Variants in PSD3 observed in about 807,000 individuals in gnomAD.
The protein encoded by PSD3 is PH and SEC7 domain-containing protein 3.
In PSD3, 49 loss-of-function variants were observed where a neutral mutation model predicts 105.5. The ratio of observed to expected loss-of-function variants is 0.46; its 90% CI spans 0.37 to 0.59. The LOEUF is 0.59. Ranked by LOEUF, PSD3 falls within the 20% of genes least tolerant of loss-of-function variation. PSD3 has a pLI of 0.00. For synonymous variants in PSD3, 557 were observed against 457.8 expected (o/e 1.22, Z -2.77); for missense variants, 1,561 against 1,263.8 (o/e 1.24, Z -3.57).
intron 11 of PSD3, among the ~76,000 whole-genome samples, chr8:18,626,342 C>CCT (rs1806475924): frequency 6.6e-6 from 1 of 151,820 alleles, no homozygotes; most frequent in Non-Finnish European, 1.5e-5. Flanking sequence ...TTCCATGCAG[C>CCT]TTTGATTCAA....
chr8:18,950,834 C>T (rs533136467), intron 1 of PSD3, among the ~76,000 whole-genome samples: 18 of 152,218 alleles, frequency 1.2e-4, no homozygotes, highest in Middle Eastern at 3.4e-3. Flanking sequence ...ATCGGCCTCA[C>T]CCACACACGC....
At chr8:18,646,874 C>A (rs912892187) in intron 10 of PSD3, among the ~76,000 whole-genome samples, 1 of 152,078 alleles carries the variant, frequency 6.6e-6, no homozygotes, top group African/African-American at 2.4e-5. Flanking sequence ...CTTCTTTACT[C>A]GGAAAAAGAG....
intron 1 of PSD3, among the ~76,000 whole-genome samples, chr8:19,033,536 G>C (rs1827841349): frequency 6.6e-6 from 1 of 150,604 alleles, no homozygotes; most frequent in Non-Finnish European, 1.5e-5. Context: ...TCTGCTTTGA[G>C]CTCTTTTTTT....
chr8:18,658,131 T>G (rs987832967), intron 9 of PSD3, among the ~76,000 whole-genome samples: 1 of 152,240 alleles, frequency 6.6e-6, no homozygotes, highest in African/African-American at 2.4e-5. Context: ...TCTCACTGTG[T>G]AAACAACATA....
chr8:18,745,382 C>T (rs561337074), intron 9 of PSD3, among the ~76,000 whole-genome samples: 177 of 152,286 alleles, frequency 1.2e-3, no homozygotes, highest in Middle Eastern at 3.4e-3. Flanking sequence ...ATGTATTCAA[C>T]GGATATTCAT....
chr8:18,958,492 G>C (rs1331311025), intron 1 of PSD3, among the ~76,000 whole-genome samples: 1 of 152,068 alleles, frequency 6.6e-6, no homozygotes, highest in South Asian at 2.1e-4. Flanking sequence ...GAGCACTCAA[G>C]GAATTACAGA....
intron 2 of PSD3, among the ~76,000 whole-genome samples, chr8:18,902,655 C>A (rs1311291919): frequency 2.0e-5 from 3 of 152,148 alleles, no homozygotes; most frequent in Non-Finnish European, 4.4e-5. Context: ...ACTAGACTGG[C>A]TTTTGTACAG....
chr8:18,867,955 G>A lies in PSD3; in HGVS notation c.1353C>T (p.Asn451=), dbSNP rs1274491121. The change falls in exon 4 of 16, where the codon AAC becomes AAT. Residue 451 remains asparagine, a synonymous_variant. Coordinates refer to ENST00000327040, the MANE Select transcript of PSD3 (RefSeq NM_015310.4). ...YSSQFETILD[N]TSLYYSAESL... is the part of the protein sequence containing the mutation. ...ACTCTGCACTGTAGTATAAAGAAGTGTTGTCCAAAATGGTTTCAAACTGGG... is the reference window on the plus strand; with the variant it reads ...ACTCTGCACTGTAGTATAAAGAAGTATTGTCCAAAATGGTTTCAAACTGGG... The A allele has an allele frequency of 1.9e-6, 3 of 1,614,220 alleles. No homozygotes were observed. The highest frequency in any genetic ancestry group is 2.5e-6 in the Non-Finnish European group (3 of 1,180,034).
chr8:18,585,633 T>C (rs188767069), intron 12 of PSD3, among the ~76,000 whole-genome samples: 37 of 152,278 alleles, frequency 2.4e-4, no homozygotes, highest in East Asian at 2.1e-3. Flanking sequence ...AGACACTTTA[T>C]TCCTTATGAG....
intron 9 of PSD3, among the ~76,000 whole-genome samples, chr8:18,696,819 T>C (rs527647285): frequency 3.3e-5 from 5 of 152,300 alleles, no homozygotes; most frequent in South Asian, 4.1e-4. Context: ...TACTGTCCAA[T>C]AGAAGTCTAT....
chr8:18,804,489 G>C, intron 6 of PSD3, 33 bp downstream of exon 6: 1 of 1,516,126 alleles, frequency 6.6e-7, no homozygotes. Context: ...TCATTTGAAA[G>C]CAATGACGAG....
At chr8:18,963,701 T>C (rs745897138) in intron 1 of PSD3, among the ~76,000 whole-genome samples, 1 of 152,180 alleles carries the variant, frequency 6.6e-6, no homozygotes, top group Non-Finnish European at 1.5e-5. Flanking sequence ...ACAGCAATGT[T>C]TCAGGTATAA....
chr8:18,612,572 A>G (rs1430329556), intron 11 of PSD3, among the ~76,000 whole-genome samples: 1 of 151,974 alleles, frequency 6.6e-6, no homozygotes, highest in African/African-American at 2.4e-5. Flanking sequence ...GGGTTTCACT[A>G]TGTTGGCCAG....
chr8:18,962,619 G>C (rs1212399390), intron 1 of PSD3, among the ~76,000 whole-genome samples: 1 of 152,172 alleles, frequency 6.6e-6, no homozygotes, highest in South Asian at 2.1e-4. Context: ...TCACTATCAA[G>C]CTCTAATTCC....
chr8:19,081,000 C>G (rs1383228685), intron 1 of PSD3, among the ~76,000 whole-genome samples: 1 of 152,138 alleles, frequency 6.6e-6, no homozygotes, highest in Non-Finnish European at 1.5e-5. Flanking sequence ...GTTGGGTCTG[C>G]TTTCCTTATC....
chr8:18,751,483 T>G (rs1029913620), intron 9 of PSD3, among the ~76,000 whole-genome samples: 1 of 152,236 alleles, frequency 6.6e-6, no homozygotes, highest in East Asian at 1.9e-4. Flanking sequence ...TCCAGAAGCC[T>G]AAACCGAAAA....
chr8:18,641,781 A>G (rs769444145), intron 10 of PSD3, among the ~76,000 whole-genome samples: 5 of 152,218 alleles, frequency 3.3e-5, no homozygotes, highest in Non-Finnish European at 2.9e-5. Flanking sequence ...AGATGATTGC[A>G]GGAAAATAAA....
chr8:18,835,882 G>C lies in PSD3; in HGVS notation c.1635-30984C>G, dbSNP rs191182403. 5.5e-4 allele frequency among the ~76,000 whole-genome samples: 83 copies of C among 150,900 alleles called. 1 individual carries two copies. Among genetic ancestry groups the C allele is most frequent in the Non-Finnish European group, 4.7e-4 (32 of 67,634 alleles). The stretch of plus-strand genomic sequence containing the variant: ...CAGAGCGGTGTATGCGGTGTAGATG[G>C]GGGGGCGGATCGTGTAGGGACTTGG... On this transcript the variant is annotated intron_variant, in intron 4 of 15. Coordinates refer to ENST00000327040, the MANE Select transcript of PSD3 (RefSeq NM_015310.4).
chr8:18,731,179 C>A (rs1236891153), intron 9 of PSD3, among the ~76,000 whole-genome samples: 1 of 152,120 alleles, frequency 6.6e-6, no homozygotes, highest in African/African-American at 2.4e-5. Context: ...TCGCTTGAAC[C>A]CGGGAAGCGG....
Sources: gnomAD v4.1 joint callset for allele counts (sites outside exome capture counted in the v4.1 genomes callset) on GRCh38, gnomAD v4.1.1 for gene constraint, MANE v1.5 for transcripts, NCBI Gene and HGNC (gene_info 2026-07-23, HGNC 2026-07-21) for gene names.